The following SORCS1 variants were observed in gnomAD, a reference collection of about 807,000 sequenced individuals.
The protein encoded by SORCS1 is sortilin related VPS10 domain containing receptor 1.
Under a neutral mutation model 146.1 loss-of-function variants are expected in SORCS1, and 60 were observed. The observed-to-expected ratio is 0.41, with a 90% CI of 0.33 to 0.51. The LOEUF (loss-of-function observed/expected upper bound fraction) is 0.51. Among genes scored for constraint, SORCS1 ranks in the 20% least tolerant of loss-of-function variants. The pLI is 0.21. For synonymous variants in SORCS1, 637 were observed against 584.0 expected (o/e 1.09, Z -1.31); for missense variants, 1,352 against 1,487.6 (o/e 0.91, Z 1.50).
At chr10:107,051,359 G>A (rs1014813170) in intron 1 of SORCS1, among the ~76,000 whole-genome samples, 8 of 152,126 alleles carry the variant, frequency 5.3e-5, no homozygotes, top group African/African-American at 1.4e-4. Flanking sequence ...GCTCTGAGCT[G>A]AGAGCCATTT....
chr10:106,882,265 C>A lies in SORCS1; in HGVS notation c.627-52592G>T, dbSNP rs146452928. ...TAAAATACACTAACATTAATGATAGCTGATGAGCTTAAAAAAAAAAAATCA... is the reference window on the plus strand; with the variant it reads ...TAAAATACACTAACATTAATGATAGATGATGAGCTTAAAAAAAAAAAATCA... On this transcript the variant is annotated intron_variant, in intron 2 of 25. Transcript: ENST00000263054. 1.1e-4 allele frequency among the ~76,000 whole-genome samples: 16 copies of A among 149,130 alleles called. No individual in the cohort carries two copies. The East Asian group carries it at 3.1e-3, about 29-fold the overall frequency.
At chr10:106,823,810 T>C (rs542789867) in intron 3 of SORCS1, among the ~76,000 whole-genome samples, 1 of 152,310 alleles carries the variant, frequency 6.6e-6, no homozygotes, top group South Asian at 2.1e-4. Context: ...GGTCTAATGA[T>C]CTTAGCTTAT....
At chr10:106,995,940 GA>G (rs1956977475) in intron 1 of SORCS1, among the ~76,000 whole-genome samples, 1 of 152,048 alleles carries the variant, frequency 6.6e-6, no homozygotes. Flanking sequence ...AAAGAATGTA[GA>G]AATGAGGCCA....
intron 5 of SORCS1, among the ~76,000 whole-genome samples, chr10:106,746,246 G>A (rs1312219496): frequency 6.6e-6 from 1 of 152,242 alleles, no homozygotes; most frequent in Admixed American, 6.5e-5. Flanking sequence ...TTTTTTATTG[G>A]TAAACATTGC....
At chr10:107,029,335 TTACC>T (rs1332342833) in intron 1 of SORCS1, among the ~76,000 whole-genome samples, 3 of 152,314 alleles carry the variant, frequency 2.0e-5, no homozygotes, top group African/African-American at 7.2e-5. Flanking sequence ...AAGAATGGGT[TTACC>T]TGTTTTGGAG....
At chr10:106,782,571 A>G (rs2249022) in intron 3 of SORCS1, among the ~76,000 whole-genome samples, 71,287 of 152,048 alleles carry the variant, frequency 0.47, 17,112 homozygotes, top group African/African-American at 0.58. Context: ...GAGTACATAG[A>G]AGATGAGTAA....
At chr10:106,884,685 C>A (rs1950928790) in intron 2 of SORCS1, among the ~76,000 whole-genome samples, 1 of 152,160 alleles carries the variant, frequency 6.6e-6, no homozygotes, top group Non-Finnish European at 1.5e-5. Context: ...ACTTTCAATG[C>A]TGAATATCAC....
At chr10:106,746,986 T>G (rs1037172587) in intron 5 of SORCS1, among the ~76,000 whole-genome samples, 21 of 152,344 alleles carry the variant, frequency 1.4e-4, no homozygotes, top group African/African-American at 5.1e-4. Context: ...TCTAACAGGT[T>G]TCATCCTGTC....
chr10:106,598,422 C>A (rs1419012895), intron 23 of SORCS1, among the ~76,000 whole-genome samples: 2 of 151,834 alleles, frequency 1.3e-5, no homozygotes, highest in African/African-American at 4.8e-5. Flanking sequence ...CCAACACACC[C>A]AGCTATTTTT....
intron 2 of SORCS1, among the ~76,000 whole-genome samples, chr10:106,850,537 AC>A: frequency 6.6e-6 from 1 of 151,556 alleles, no homozygotes; most frequent in Non-Finnish European, 1.5e-5. Flanking sequence ...TGCAGAAATC[AC>A]CCGTCTTCTG....
chr10:107,064,393 C>G (rs191279431), intron 1 of SORCS1, among the ~76,000 whole-genome samples: 251 of 152,238 alleles, frequency 1.6e-3, no homozygotes, highest in Non-Finnish European at 3.0e-3. Flanking sequence ...TTTTCCTACC[C>G]GGGGGAAATG....
intron 1 of SORCS1, 66 bp from the exon 2 acceptor site, chr10:106,956,646 C>T (rs1308926423): frequency 7.2e-7 from 1 of 1,386,178 alleles, no homozygotes; most frequent in Non-Finnish European, 1.0e-6. Flanking sequence ...CTGAAATGGC[C>T]CAAGGGAGGG....
At chr10:107,040,788 A>G (rs1162169699) in intron 1 of SORCS1, among the ~76,000 whole-genome samples, 4 of 152,170 alleles carry the variant, frequency 2.6e-5, no homozygotes, top group Admixed American at 6.5e-5. Context: ...CATCATTAGC[A>G]CTTAAAAAAC....
At chr10:106,747,864 C>T (rs562516289) in intron 5 of SORCS1, among the ~76,000 whole-genome samples, 5 of 142,432 alleles carry the variant, frequency 3.5e-5, no homozygotes, top group African/African-American at 5.6e-5. Flanking sequence ...TACTCTGATC[C>T]GATAACTATA....
intron 1 of SORCS1, among the ~76,000 whole-genome samples, chr10:107,067,550 T>C (rs1961997583): frequency 6.6e-6 from 1 of 152,228 alleles, no homozygotes; most frequent in African/African-American, 2.4e-5. Flanking sequence ...GGGAATGCTG[T>C]GTGCTTTTTA....
intron 10 of SORCS1, among the ~76,000 whole-genome samples, chr10:106,686,969 C>G (rs756569722): frequency 1.5e-4 from 23 of 152,204 alleles, no homozygotes; most frequent in Non-Finnish European, 3.4e-4. Flanking sequence ...ACACAACCCC[C>G]TCCCCTACAA....
intron 8 of SORCS1, among the ~76,000 whole-genome samples, chr10:106,704,808 C>CATT (rs1854399378): frequency 6.6e-6 from 1 of 152,190 alleles, no homozygotes; most frequent in Non-Finnish European, 1.5e-5. Flanking sequence ...AGCAGCATGT[C>CATT]ATTACATTGA....
chr10:106,607,817 A>C (rs1846711631), intron 22 of SORCS1, among the ~76,000 whole-genome samples: 1 of 152,102 alleles, frequency 6.6e-6, no homozygotes, highest in Admixed American at 6.6e-5. Flanking sequence ...CTCTTCAAAT[A>C]GACCCACCAC....
intron 1 of SORCS1, among the ~76,000 whole-genome samples, chr10:107,017,903 T>C (rs913761578): frequency 6.6e-6 from 1 of 152,162 alleles, no homozygotes; most frequent in Non-Finnish European, 1.5e-5. Context: ...TGATCTCAAG[T>C]GATCCACCAG....
Sources: gnomAD v4.1 joint callset for allele counts (sites outside exome capture counted in the v4.1 genomes callset) on GRCh38, gnomAD v4.1.1 for gene constraint, MANE v1.5 for transcripts, NCBI Gene and HGNC (gene_info 2026-07-23, HGNC 2026-07-21) for gene names.